The following NUMB variants were observed in gnomAD, a reference collection of about 807,000 sequenced individuals.
The protein encoded by NUMB is protein numb homolog.
In NUMB, 29 loss-of-function variants were observed where a neutral mutation model predicts 59.7. The ratio of observed to expected loss-of-function variants is 0.49; its 90% confidence interval spans 0.36 to 0.66. NUMB has a LOEUF of 0.66. Among genes scored for constraint, NUMB ranks in the 30% least tolerant of loss-of-function variants. The pLI is 0.00. For missense variants in NUMB, 723 were observed against 822.0 expected (o/e 0.88, Z 1.47); for synonymous variants, 288 against 288.2 (o/e 1.00, Z 0.01).
At position 73,451,137 on chromosome 14, in the gene NUMB, G is replaced by C. The variant is rs1464580554; in HGVS notation, c.-233+7356C>G. On this transcript the variant is annotated intron_variant, in intron 1 of 12. Transcript: ENST00000555238. ...CCATTGCACTCTATCCTGGGCGACAGAGCAGGACTCTGTCTCAAAAAAAAA... is the reference window on the plus strand; with the variant it reads ...CCATTGCACTCTATCCTGGGCGACACAGCAGGACTCTGTCTCAAAAAAAAA... 1.4e-4 allele frequency among the ~76,000 whole-genome samples: 17 copies of C among 121,464 alleles called. No homozygotes were observed. The Admixed American group carries it at 1.5e-3, about 11-fold the overall frequency. The allele number at this position is 121,464 out of a possible 152,430, so 79.7% of individuals were successfully genotyped here.
chr14:73,307,626 A>G (rs1050811872), intron 6 of NUMB, among the ~76,000 whole-genome samples: 1 of 151,922 alleles, frequency 6.6e-6, no homozygotes, highest in African/African-American at 2.4e-5. Flanking sequence ...GGGGATTCAT[A>G]TGCAATGGCC....
In NUMB at chr14:73,278,634, T is replaced by C. The variant is rs1350317005; in HGVS notation, c.1240+647A>G. On this transcript the variant is annotated intron_variant, in intron 12 of 12. Coordinates refer to ENST00000555238, the MANE Select transcript of NUMB (RefSeq NM_001005743.2). ...TCTAGCACTTTTTGTAGGCCTCCTA[T>C]TGTAGGAGCAGGGCCCCCTCTTTCT... 6.5e-3 allele frequency among the ~76,000 whole-genome samples: 5 copies of C among 774 alleles called. No homozygotes were observed. The East Asian group carries it at 0.1, about 16-fold the overall frequency. The allele number at this position is 774 out of a possible 152,430, so 0.5% of individuals were successfully genotyped here.
At chr14:73,306,197 G>T (rs796497703) in intron 6 of NUMB, among the ~76,000 whole-genome samples, 12 of 152,182 alleles carry the variant, frequency 7.9e-5, no homozygotes, top group African/African-American at 2.9e-4. Flanking sequence ...AAATGAGAGG[G>T]GCACTTAAAG....
At chr14:73,283,235 T>C (rs545527948) in intron 10 of NUMB, among the ~76,000 whole-genome samples, 40 of 152,264 alleles carry the variant, frequency 2.6e-4, no homozygotes, top group African/African-American at 9.1e-4. Context: ...TGAAATGAGG[T>C]ACCTCAGCTG....
Position 73,277,133 on chromosome 14 carries a change from G to A in NUMB, c.1401C>T (p.Leu467=). 6.2e-7 allele frequency: 1 copy of A among 1,614,032 alleles called. No individual in the cohort carries two copies. Among genetic ancestry groups the A allele is most frequent in the Non-Finnish European group, 8.5e-7 (1 of 1,180,014 alleles). ...QASAAPLQPV[L]QPPPPTAISQ... is the part of the protein sequence containing the mutation. Reference sequence around the variant, plus strand: ...AGATGGCAGTGGGTGGAGGAGGCTGGAGAACTGGCTGCAGAGGAGCAGCTG... The same window carrying A: ...AGATGGCAGTGGGTGGAGGAGGCTGAAGAACTGGCTGCAGAGGAGCAGCTG... Residue 467 remains leucine, a synonymous_variant, in exon 13 of 13, where the codon CTC becomes CTT. Transcript: ENST00000555238.
intron 1 of NUMB, among the ~76,000 whole-genome samples, chr14:73,456,267 G>A (rs910632960): frequency 6.6e-6 from 1 of 151,928 alleles, no homozygotes; most frequent in Non-Finnish European, 1.5e-5. Context: ...GCGCCACCAC[G>A]CCCAGCTAAT....
intron 2 of NUMB, among the ~76,000 whole-genome samples, chr14:73,374,907 G>A (rs1315360061): frequency 2.0e-5 from 3 of 151,746 alleles, no homozygotes; most frequent in Admixed American, 6.6e-5. Flanking sequence ...TTTTAGTAGC[G>A]ATGATGTTTC....
intron 2 of NUMB, among the ~76,000 whole-genome samples, chr14:73,379,253 C>T (rs1362842038): frequency 2.0e-5 from 3 of 152,028 alleles, no homozygotes; most frequent in Non-Finnish European, 2.9e-5. Flanking sequence ...GGGGAAAGCA[C>T]GTAAGTGTTG....
chr14:73,387,956 CA>C (rs66701940), intron 2 of NUMB, among the ~76,000 whole-genome samples: 11,978 of 94,260 alleles, frequency 0.13, 746 homozygotes, highest in African/African-American at 0.25. Flanking sequence ...CTGTCTCTAC[CA>C]AAAAAAAAAA....
intron 2 of NUMB, among the ~76,000 whole-genome samples, chr14:73,383,465 A>T (rs1895349596): frequency 6.6e-6 from 1 of 152,164 alleles, no homozygotes; most frequent in Non-Finnish European, 1.5e-5. Flanking sequence ...TACAGAAAAG[A>T]GCATGAGAGA....
In NUMB at chr14:73,370,479, G is replaced by C. The variant is rs950743626; in HGVS notation, c.-100-3498C>G. Among the ~76,000 whole-genome samples, 10 of 152,088 alleles carry C rather than the reference G, an allele frequency of 6.6e-5. No individual in the cohort carries two copies. In the East Asian group the frequency reaches 1.9e-3, roughly 29 times the overall value. On this transcript the variant is annotated intron_variant, in intron 2 of 12. Coordinates refer to ENST00000555238, the MANE Select transcript of NUMB (RefSeq NM_001005743.2). ...GGCCGAGGTGGGTGGAGCACCTAAGGTCGGGAGTTCGAGACCAGCCTGACC... is the reference window on the plus strand; with the variant it reads ...GGCCGAGGTGGGTGGAGCACCTAAGCTCGGGAGTTCGAGACCAGCCTGACC...
At chr14:73,342,833 T>C (rs1594927083) in intron 4 of NUMB, among the ~76,000 whole-genome samples, 2 of 152,314 alleles carry the variant, frequency 1.3e-5, no homozygotes, top group Non-Finnish European at 2.9e-5. Flanking sequence ...TCAAGTTGTA[T>C]AGCTTAAAAG....
chr14:73,352,558 A>T, intron 4 of NUMB, among the ~76,000 whole-genome samples: 2 of 99,756 alleles, frequency 2.0e-5, no homozygotes, highest in African/African-American at 3.5e-5. Flanking sequence ...TTTTTGAGAC[A>T]GAGTCTCTCT....
At chr14:73,374,863 G>A (rs1438661140) in intron 2 of NUMB, among the ~76,000 whole-genome samples, 2 of 151,750 alleles carry the variant, frequency 1.3e-5, no homozygotes, top group East Asian at 1.9e-4. Flanking sequence ...TGGGATTACA[G>A]GCGCCCACCA....
intron 4 of NUMB, among the ~76,000 whole-genome samples, chr14:73,351,977 AAAAAT>A (rs1375223944): frequency 1.3e-5 from 2 of 151,654 alleles, no homozygotes; most frequent in Non-Finnish European, 1.5e-5. Context: ...CTCTGTCTCA[AAAAAT>A]AAAATAAAAT....
rs144381465 is a variant in NUMB, at chr14:73,442,375, A to AAAT, written c.-233+16115_-233+16117dup. Among the ~76,000 whole-genome samples the AAAT allele has an allele frequency of 2.0e-3, 301 of 151,938 alleles. 2 individuals carry two copies. The highest frequency in any genetic ancestry group is 6.5e-3 in the African/African-American group (271 of 41,470). Reference sequence around the variant, plus strand: ...GCTACAGAGCAAGATCCCATCTCAAAAATAATAATAATAATAAATTGTTTA... The same window carrying AAAT: ...GCTACAGAGCAAGATCCCATCTCAAAAATAATAATAATAATAATAAATTGTTTA... On this transcript the variant is annotated intron_variant, in intron 1 of 12. Transcript: ENST00000555238.
intron 6 of NUMB, among the ~76,000 whole-genome samples, chr14:73,309,750 T>TAATAATAAA (rs199866406): frequency 6.9e-6 from 1 of 145,118 alleles, no homozygotes; most frequent in Non-Finnish European, 1.5e-5. Flanking sequence ...ATAATAATAA[T>TAATAATAAA]AATAATAAAA....
At chr14:73,384,889 A>AT (rs143582593) in intron 2 of NUMB, among the ~76,000 whole-genome samples, 22,255 of 114,442 alleles carry the variant, frequency 0.19, 2,620 homozygotes, top group East Asian at 0.31. Flanking sequence ...AATAACTGTA[A>AT]TTTTTTTTTT....
chr14:73,399,979 C>T (rs1460947941), intron 2 of NUMB, among the ~76,000 whole-genome samples: 1 of 151,928 alleles, frequency 6.6e-6, no homozygotes, highest in Non-Finnish European at 1.5e-5. Flanking sequence ...ATGGAGGTTG[C>T]AGTGAGCTGA....
Sources: gnomAD v4.1 joint callset for allele counts (sites outside exome capture counted in the v4.1 genomes callset) on GRCh38, gnomAD v4.1.1 for gene constraint, MANE v1.5 for transcripts, NCBI Gene and HGNC (gene_info 2026-07-23, HGNC 2026-07-21) for gene names.